The following CPED1 variants were observed in gnomAD, a reference collection of about 807,000 sequenced individuals.
CPED1 encodes cadherin-like and PC-esterase domain-containing protein 1.
Under a neutral mutation model 128.2 loss-of-function variants are expected in CPED1, and 114 were observed. The observed-to-expected ratio is 0.89, with a 90% CI of 0.76 to 1.04. The LOEUF (loss-of-function observed/expected upper bound fraction) is 1.04, where lower values mean the gene tolerates loss of function less well. CPED1 is among the 50% of genes least tolerant of loss of function. The pLI is 0.00. For missense variants in CPED1, 1,211 were observed against 1,207.1 expected, an observed-to-expected ratio of 1.00 and a Z score of -0.05; for synonymous variants, 462 against 426.7, an observed-to-expected ratio of 1.08 and a Z score of -1.02.
At chr7:121,038,715 G>C (rs1024608274) in intron 3 of CPED1, among the ~76,000 whole-genome samples, 2 of 151,658 alleles carry the variant, frequency 1.3e-5, no homozygotes, top group African/African-American at 4.8e-5. Context: ...GTTTCATTCA[G>C]CTCACTCCTC....
At chr7:121,287,972 CTAAT>C (rs1792619687) in intron 22 of CPED1, among the ~76,000 whole-genome samples, 1 of 152,086 alleles carries the variant, frequency 6.6e-6, no homozygotes, top group Non-Finnish European at 1.5e-5. Flanking sequence ...TTTATAATAT[CTAAT>C]TATTTTTCAG....
Position 121,295,661 on chromosome 7 carries a change from C to A in CPED1, c.*9C>A. 1 of 1,610,818 alleles carries A rather than the reference C, an allele frequency of 6.2e-7. No individual in the cohort carries two copies. Among genetic ancestry groups the A allele is most frequent in the Non-Finnish European group, 8.5e-7 (1 of 1,177,462 alleles). ...ATAAAAGGACTATGTAGGCTCCCTG[C>A]AGGAGAGCTGAATCTGGAGCTGGAG... On this transcript the variant is annotated 3_prime_UTR_variant, in exon 23 of 23. Coordinates refer to ENST00000310396, the MANE Select transcript of CPED1 (RefSeq NM_024913.5).
At chr7:121,197,978 A>C (rs1797308030) in intron 16 of CPED1, among the ~76,000 whole-genome samples, 1 of 152,138 alleles carries the variant, frequency 6.6e-6, no homozygotes, top group Non-Finnish European at 1.5e-5. Context: ...TAAATCGTTG[A>C]TTTTTAAAAA....
intron 19 of CPED1, 127 bp downstream of exon 19, chr7:121,266,574 C>G: frequency 8.5e-7 from 1 of 1,172,008 alleles, no homozygotes; most frequent in East Asian, 2.4e-5. Flanking sequence ...AGTAAGGCAG[C>G]AGAAAACAAG....
At chr7:121,246,850 A>G (rs1315113081) in intron 18 of CPED1, among the ~76,000 whole-genome samples, 2 of 152,192 alleles carry the variant, frequency 1.3e-5, no homozygotes, top group Non-Finnish European at 2.9e-5. Context: ...ACTTCAGAAG[A>G]CCAGTTAGCT....
chr7:121,167,085 C>T (rs1181644000), intron 16 of CPED1, among the ~76,000 whole-genome samples: 3 of 152,194 alleles, frequency 2.0e-5, no homozygotes, highest in Non-Finnish European at 2.9e-5. Flanking sequence ...CTCTGAGACC[C>T]ACCAACCTTG....
At chr7:121,014,499 G>A (rs1175441325) in intron 2 of CPED1, among the ~76,000 whole-genome samples, 9 of 146,610 alleles carry the variant, frequency 6.1e-5, no homozygotes, top group Middle Eastern at 3.9e-3. Flanking sequence ...GCAGTGAGCC[G>A]AGATTGCACC....
chr7:121,056,284 G>C (rs1389803767), intron 4 of CPED1, among the ~76,000 whole-genome samples: 1 of 152,144 alleles, frequency 6.6e-6, no homozygotes, highest in African/African-American at 2.4e-5. Context: ...ATACATGTAT[G>C]TTAGTTCTAC....
At chr7:121,265,601 G>C (rs1471934533) in intron 18 of CPED1, among the ~76,000 whole-genome samples, 1 of 152,034 alleles carries the variant, frequency 6.6e-6, no homozygotes, top group Admixed American at 6.6e-5. Context: ...TACAGGAAGG[G>C]AGACCCAGTA....
Position 121,295,941 on chromosome 7 carries a change from G to A in CPED1, c.*289G>A. On this transcript the variant is annotated 3_prime_UTR_variant, in exon 23 of 23. Transcript: ENST00000310396. ...TATTAACCAGAACCACTGTGGGCCAGGTATGGCATTGTGATAATAAAGAGA... is the reference window on the plus strand; with the variant it reads ...TATTAACCAGAACCACTGTGGGCCAAGTATGGCATTGTGATAATAAAGAGA... The A allele has an allele frequency of 3.6e-6, 1 of 279,906 alleles. No individual in the cohort carries two copies. Among genetic ancestry groups the A allele is most frequent in the South Asian group, 7.0e-5 (1 of 14,212 alleles). The allele number at this position is 279,906 out of a possible 1,614,324, so 17.3% of individuals were successfully genotyped here.
chr7:121,088,024 T>C (rs1794477352), intron 5 of CPED1, among the ~76,000 whole-genome samples: 1 of 152,142 alleles, frequency 6.6e-6, no homozygotes, highest in African/African-American at 2.4e-5. Flanking sequence ...GAATGTGACA[T>C]TGAGTGCTAC....
At chr7:121,015,912 T>C in intron 3 of CPED1, 64 bp downstream of exon 3, 1 of 1,163,498 alleles carries the variant, frequency 8.6e-7, no homozygotes, top group Non-Finnish European at 1.1e-6. Context: ...ATTTCTAGAA[T>C]GTGCTACTAT....
Position 121,027,301 on chromosome 7 carries a change from G to A in CPED1, c.433+11453G>A, listed in dbSNP as rs1471532953. ...TCATACTTTTTGATAATTTTTATGTGTTCATCTTATCTCCCCTTTTGTATT... is the reference window on the plus strand; with the variant it reads ...TCATACTTTTTGATAATTTTTATGTATTCATCTTATCTCCCCTTTTGTATT... On this transcript the variant is annotated intron_variant, in intron 3 of 22. Coordinates refer to ENST00000310396, the MANE Select transcript of CPED1 (RefSeq NM_024913.5). 2.6e-5 allele frequency among the ~76,000 whole-genome samples: 4 copies of A among 151,850 alleles called. No individual in the cohort carries two copies. The East Asian group carries it at 7.7e-4, about 29-fold the overall frequency.
chr7:121,258,372 T>C (rs760899026), intron 18 of CPED1, among the ~76,000 whole-genome samples: 2 of 152,038 alleles, frequency 1.3e-5, no homozygotes, highest in Non-Finnish European at 2.9e-5. Context: ...AGCACAATAA[T>C]TGCAATAGTA....
intron 17 of CPED1, among the ~76,000 whole-genome samples, chr7:121,238,773 GTGTACTCATTAATACA>G (rs1201236863): frequency 6.7e-6 from 1 of 150,156 alleles, no homozygotes; most frequent in Non-Finnish European, 1.5e-5. Flanking sequence ...ATATATTACA[GTGTACTCATTAATACA>G]TCAAGGGTGC....
intron 5 of CPED1, among the ~76,000 whole-genome samples, chr7:121,066,983 A>G (rs1793844106): frequency 6.6e-6 from 1 of 152,160 alleles, no homozygotes; most frequent in Non-Finnish European, 1.5e-5. Context: ...AGGATTGCAT[A>G]GATTATATGC....
intron 14 of CPED1, 98 bp from the exon 15 acceptor site, chr7:121,140,729 T>C (rs1428215878): frequency 2.5e-5 from 21 of 849,204 alleles, no homozygotes; most frequent in Non-Finnish European, 3.4e-5. Context: ...TTGAAGTTGT[T>C]CAAAGGAAAC....
At chr7:121,032,420 C>A (rs1246848801) in intron 3 of CPED1, among the ~76,000 whole-genome samples, 1 of 151,894 alleles carries the variant, frequency 6.6e-6, no homozygotes, top group Admixed American at 6.6e-5. Context: ...CTCCATCATT[C>A]TCAGCAAACT....
intron 22 of CPED1, among the ~76,000 whole-genome samples, chr7:121,282,842 T>G (rs555222656): frequency 6.6e-6 from 1 of 152,352 alleles, no homozygotes; most frequent in South Asian, 2.1e-4. Flanking sequence ...CTTAGTCATG[T>G]GTCTTTATAT....
Sources: allele counts gnomAD v4.1 joint callset (sites outside exome capture counted in the v4.1 genomes callset), GRCh38; gene constraint gnomAD v4.1.1; transcripts MANE v1.5; gene names NCBI Gene and HGNC (gene_info 2026-07-23, HGNC 2026-07-21).